Variants in CCDC9B observed in about 807,000 individuals in gnomAD.
CCDC9B encodes the protein coiled-coil domain containing 9B.
A neutral mutation model predicts 47.2 loss-of-function variants in CCDC9B; 40 were observed. The ratio of observed to expected loss-of-function variants is 0.85; its 90% CI spans 0.66 to 1.10. CCDC9B has a LOEUF of 1.10. Ranked by LOEUF, CCDC9B falls within the 50% of genes least tolerant of loss-of-function variation. The pLI is 0.00. For synonymous variants in CCDC9B, 238 were observed against 250.7 expected (o/e 0.95, Z 0.48); for missense variants, 662 against 651.0 (o/e 1.02, Z -0.18).
chr15:40,335,345 T>G lies in CCDC9B; in HGVS notation c.1286A>C (p.Gln429Pro), dbSNP rs2141245804. The G allele has an allele frequency of 4.3e-6, 7 of 1,613,508 alleles. No homozygotes were observed. The highest frequency in any genetic ancestry group is 5.9e-6 in the Non-Finnish European group (7 of 1,179,896). ...TCCTCTCTGTGGCTCAGGGCAAGTC[T>G]GTACTTCCAGCTCAGCCTGGTGATT... ...WSNHQAELEV[Q>P]TCPEPQRGAG... Residue 429 changes from glutamine to proline, a missense_variant, in exon 11 of 11, where the codon CAG becomes CCG. By Grantham distance (76) the Gln-to-Pro change is moderately conservative. Coordinates refer to ENST00000397536, the MANE Select transcript of CCDC9B (RefSeq NM_207380.3).
At chr15:40,336,687 G>C (rs759287482) in intron 8 of CCDC9B, 23 bp from the exon 9 acceptor site, 3 of 1,609,382 alleles carry the variant, frequency 1.9e-6, no homozygotes, top group Non-Finnish European at 2.6e-6. Flanking sequence ...GTCGGCCAAG[G>C]AGAGAAGAGG....
At chr15:40,338,940 C>G (rs1366791281) in intron 3 of CCDC9B, 37 bp from the exon 4 acceptor site, 7 of 1,613,724 alleles carry the variant, frequency 4.3e-6, no homozygotes, top group Non-Finnish European at 5.9e-6. Context: ...ATGGGCAGTG[C>G]TGGGCAGGAC....
chr15:40,333,735 G>T lies in CCDC9B; in HGVS notation c.*1423C>A. On this transcript the variant is annotated 3_prime_UTR_variant, in exon 11 of 11. Transcript: ENST00000397536. ...AGGGGTGGGGTGGAGTTGAGAGCCA[G>T]TGAGGAAGGCTGAGCTGGGACCCCA... 1.4e-6 allele frequency: 1 copy of T among 701,964 alleles called. No homozygotes were observed. The highest frequency in any genetic ancestry group is 1.7e-6 in the Non-Finnish European group (1 of 571,986). The allele number at this position is 701,964 out of a possible 1,614,324, so 43.5% of individuals were successfully genotyped here.
chr15:40,333,836 G>A lies in CCDC9B; in HGVS notation c.*1322C>T. The A allele has an allele frequency of 6.3e-6, 1 of 159,188 alleles. No homozygotes were observed. Among genetic ancestry groups the A allele is most frequent in the Non-Finnish European group, 1.3e-5 (1 of 74,256 alleles). The allele number at this position is 159,188 out of a possible 1,614,324, so 9.9% of individuals were successfully genotyped here. ...TCTCCCTAGAGCCCCACAGCCTTCAGCAGAGAGCAGCAGCCATGGCAGGAC... is the reference window on the plus strand; with the variant it reads ...TCTCCCTAGAGCCCCACAGCCTTCAACAGAGAGCAGCAGCCATGGCAGGAC... On this transcript the variant is annotated 3_prime_UTR_variant, in exon 11 of 11. Coordinates refer to ENST00000397536, the MANE Select transcript of CCDC9B (RefSeq NM_207380.3).
intron 5 of CCDC9B, chr15:40,338,242 C>T (rs1365018715): frequency 1.4e-5 from 9 of 663,502 alleles, no homozygotes; most frequent in Non-Finnish European, 2.5e-5. Flanking sequence ...GAGGTCACAC[C>T]TGGCACTTGG....
At chr15:40,340,438 A>G in intron 1 of CCDC9B, 1 of 324,824 alleles carries the variant, frequency 3.1e-6, no homozygotes, top group Non-Finnish European at 5.7e-6. Flanking sequence ...CCAGAGAAAA[A>G]GGAGAGGCCC....
In CCDC9B at chr15:40,338,822, C is replaced by T; in HGVS notation, c.313G>A (p.Ala105Thr). Reference protein sequence around the residue: ...VTNEMLEDEDAEDHGGTFCLG... With the variant: ...VTNEMLEDEDTEDHGGTFCLG... ...CAGAAAGTACCCCCGTGGTCCTCAG[C>T]ATCCTCATCCTCAAGCATCTCGTTG... The change falls in exon 4 of 11, where the codon GCT becomes ACT. Residue 105 changes from alanine (A) to threonine (T), a missense_variant. Ala to Thr is a moderately conservative substitution (Grantham distance 58). Transcript: ENST00000397536. 6.2e-7 allele frequency: 1 copy of T among 1,614,210 alleles called. No individual in the cohort carries two copies. Among genetic ancestry groups the T allele is most frequent in the South Asian group, 1.1e-5 (1 of 91,086 alleles).
At chr15:40,336,321 G>A (rs1012594526) in intron 9 of CCDC9B, 12 of 985,426 alleles carry the variant, frequency 1.2e-5, no homozygotes, top group Non-Finnish European at 1.4e-5. Context: ...GTCCCCGCCT[G>A]CAATGCCTGG....
intron 9 of CCDC9B, chr15:40,336,246 G>A (rs1260294970): frequency 3.0e-6 from 3 of 985,380 alleles, no homozygotes; most frequent in Non-Finnish European, 3.6e-6. Flanking sequence ...GGCCCATCCT[G>A]GGTCCCCAGC....
At chr15:40,339,092 C>T (rs774069461) in intron 3 of CCDC9B, 189 bp from the exon 4 acceptor site, 23 of 689,410 alleles carry the variant, frequency 3.3e-5, no homozygotes, top group African/African-American at 9.0e-5. Context: ...GGCCACCCAG[C>T]GGCCCAAGAT....
At chr15:40,340,591 G>A (rs903915059) in intron 1 of CCDC9B, 31 of 545,700 alleles carry the variant, frequency 5.7e-5, no homozygotes, top group Non-Finnish European at 8.3e-5. Context: ...CTCCCCTGGC[G>A]GCCCCAGCCC....
At position 40,338,636 on chromosome 15, in the gene CCDC9B, G is replaced by A. The variant is rs959511450; in HGVS notation, c.412C>T (p.Pro138Ser). ...AEGKRIVSEK[P>S]TRARNQGIEG... ...ATGCCTTGGTTCCTTGCTCTGGTAG[G>A]CTTTTCACTTACAATCCGTTTGCCC... Residue 138 changes from proline (P) to serine (S), a missense_variant, in exon 5 of 11, where the codon CCT becomes TCT. Physicochemically the swap from Pro to Ser is moderately conservative, Grantham distance 74 (BLOSUM62 -1). Coordinates refer to ENST00000397536, the MANE Select transcript of CCDC9B (RefSeq NM_207380.3). 1 of 1,613,972 alleles carries A rather than the reference G, an allele frequency of 6.2e-7. No individual in the cohort carries two copies. The highest frequency in any genetic ancestry group is 1.3e-5 in the African/African-American group (1 of 74,900).
rs1487743690 is a variant in CCDC9B, at chr15:40,337,846, C to G, written c.561G>C (p.Ala187=). 9.9e-6 allele frequency: 16 copies of G among 1,608,814 alleles called. No homozygotes were observed. Among genetic ancestry groups the G allele is most frequent in the Non-Finnish European group, 1.4e-5 (16 of 1,178,582 alleles). ...GCTTCCACTGGGCATAGTCCCAGCC[C>G]GCCTCCGGGGGCTCCCCCACCGGCC... ...WSRPVGEPPE[A]GWDYAQWKQE... The change falls in exon 6 of 11, where the codon GCG becomes GCC. Residue 187 remains alanine (A), a synonymous_variant. Transcript: ENST00000397536.
Position 40,335,047 on chromosome 15 carries a change from G to C in CCDC9B, c.*111C>G. 4 of 1,108,006 alleles carry C rather than the reference G, an allele frequency of 3.6e-6. No homozygotes were observed. The South Asian group carries it at 7.0e-5, about 19-fold the overall frequency. The allele number at this position is 1,108,006 out of a possible 1,614,324, so 68.6% of individuals were successfully genotyped here. ...GCTGGAGAGTTTGCCACACTGCTCA[G>C]TGACAATGGCGCAAGCCACCGGCAA... is the stretch of plus-strand genomic sequence containing the variant. On this transcript the variant is annotated 3_prime_UTR_variant, in exon 11 of 11. Coordinates refer to ENST00000397536, the MANE Select transcript of CCDC9B (RefSeq NM_207380.3).
rs1889021901 is a variant in CCDC9B, at chr15:40,338,732, C to T, written c.387+16G>A. 2 of 1,611,154 alleles carry T rather than the reference C, an allele frequency of 1.2e-6. No individual in the cohort carries two copies. Among genetic ancestry groups the T allele is most frequent in the African/African-American group, 2.7e-5 (2 of 74,890 alleles). ...GGCTGCCTGCCGATGCCTGCACTCC[C>T]CACCACCCTGCTCACCTCTGCTTTG... On this transcript the variant is annotated intron_variant, in intron 4 of 10. Transcript: ENST00000397536.
intron 1 of CCDC9B, chr15:40,340,397 G>T (rs73397306): frequency 0.057 from 18,794 of 327,008 alleles, 613 homozygotes; most frequent in East Asian, 0.11. Flanking sequence ...GGGAGGTCGA[G>T]GGGGGAGCTG....
rs1234462026 is a variant in CCDC9B, at chr15:40,334,191, CCGGATAATT to C, written c.*958_*966del. 4 of 152,642 alleles carry C rather than the reference CCGGATAATT, an allele frequency of 2.6e-5. No homozygotes were observed. The highest frequency in any genetic ancestry group is 4.4e-5 in the Non-Finnish European group (3 of 68,056). 9.5% of individuals were successfully genotyped at this position (152,642 alleles called of 1,614,324 possible). A position where few individuals can be genotyped will look rare whatever the true frequency, so the allele number is the denominator to read the frequency against. ...GAGGAAGCCACAGCTTGTGCGGAGT[CCGGATAATT>C]CAGCAGACGTGGGCCTCAGGGGAGG... is the stretch of plus-strand genomic sequence containing the variant. On this transcript the variant is annotated 3_prime_UTR_variant, in exon 11 of 11. Transcript: ENST00000397536.
intron 3 of CCDC9B, 150 bp from the exon 4 acceptor site, chr15:40,339,053 C>T: frequency 1.1e-6 from 1 of 879,794 alleles, no homozygotes; most frequent in Non-Finnish European, 1.8e-6. Context: ...TGTTCACATG[C>T]CAATGGCATG....
rs532567962 is a variant in CCDC9B at position 40,333,101 on chromosome 15, C to G, written c.*2057G>C. The G allele has an allele frequency of 1.3e-5, 2 of 152,464 alleles. No individual in the cohort carries two copies. The highest frequency in any genetic ancestry group is 1.3e-4 in the Admixed American group (2 of 15,306). The allele number at this position is 152,464 out of a possible 1,614,324, so 9.4% of individuals were successfully genotyped here. A position where few individuals can be genotyped will look rare whatever the true frequency, so the allele number is the denominator to read the frequency against. On this transcript the variant is annotated 3_prime_UTR_variant, in exon 11 of 11. Transcript: ENST00000397536. Reference sequence around the variant, plus strand: ...CACCCAACTCTGCAGCCAGGAAGCCCCCACCACCTGACAGGGGTAGCACTC... The same window carrying G: ...CACCCAACTCTGCAGCCAGGAAGCCGCCACCACCTGACAGGGGTAGCACTC...
Sources: gnomAD v4.1 joint callset for allele counts on GRCh38, gnomAD v4.1.1 for gene constraint, MANE v1.5 for transcripts, NCBI Gene and HGNC (gene_info 2026-07-23, HGNC 2026-07-21) for gene names.